Variants in RPH3A observed in about 807,000 individuals in gnomAD.
RPH3A encodes the protein rabphilin 3A, also known as rabphilin-3A.
RPH3A carries 48 observed loss-of-function variants against 102.2 expected under a neutral mutation model. The ratio of observed to expected loss-of-function variants is 0.47; its 90% CI spans 0.37 to 0.60. The LOEUF (loss-of-function observed/expected upper bound fraction) is 0.60, where lower values mean the gene tolerates loss of function less well. Among genes scored for constraint, RPH3A ranks in the 20% least tolerant of loss-of-function variants. The probability of loss-of-function intolerance (pLI) is 0.00; values close to 1 mark genes in which losing one functional copy is unlikely to be tolerated. For synonymous variants in RPH3A, 310 were observed against 324.3 expected (o/e 0.96, Z 0.47); for missense variants, 781 against 910.1 (o/e 0.86, Z 1.83).
At chr12:112,843,787 G>A (rs1485924413) in intron 4 of RPH3A, among the ~76,000 whole-genome samples, 1 of 152,164 alleles carries the variant, frequency 6.6e-6, no homozygotes, top group South Asian at 2.1e-4. Context: ...GAGACGTGGC[G>A]GCAAATAAGG....
chr12:112,712,901 T>TTCTTCC (rs1357233082), intron 1 of RPH3A, among the ~76,000 whole-genome samples: 5 of 130,202 alleles, frequency 3.8e-5, no homozygotes, highest in African/African-American at 1.6e-4. Flanking sequence ...CTTCTTCTTC[T>TTCTTCC]TCCTCTTCTT....
At chr12:112,624,343 A>G (rs1212203873) in intron 1 of RPH3A, among the ~76,000 whole-genome samples, 2 of 151,306 alleles carry the variant, frequency 1.3e-5, no homozygotes, top group East Asian at 3.9e-4. Flanking sequence ...AGAAGAATCA[A>G]ATAGACACAA....
At chr12:112,772,325 G>A (rs2040932173) in intron 1 of RPH3A, among the ~76,000 whole-genome samples, 1 of 152,168 alleles carries the variant, frequency 6.6e-6, no homozygotes, top group Non-Finnish European at 1.5e-5. Context: ...TACATTTAGG[G>A]CAGCACTGGT....
chr12:112,893,978 T>A (rs2043140571), intron 19 of RPH3A: 1 of 152,406 alleles, frequency 6.6e-6, no homozygotes, highest in African/African-American at 2.4e-5. Flanking sequence ...TGGCATAAGG[T>A]TAGGTTGGGA....
chr12:112,757,453 AAG>A (rs1367061983), intron 1 of RPH3A, among the ~76,000 whole-genome samples: 1 of 152,178 alleles, frequency 6.6e-6, no homozygotes, highest in African/African-American at 2.4e-5. Flanking sequence ...AAATAACTAA[AAG>A]AGAGAATCTT....
chr12:112,736,063 C>T (rs1247466870), intron 1 of RPH3A, among the ~76,000 whole-genome samples: 1 of 152,200 alleles, frequency 6.6e-6, no homozygotes, highest in Non-Finnish European at 1.5e-5. Flanking sequence ...CCCTACACAT[C>T]CTTAAAAGCC....
chr12:112,731,486 G>A (rs2040634095), intron 1 of RPH3A, among the ~76,000 whole-genome samples: 1 of 152,188 alleles, frequency 6.6e-6, no homozygotes, highest in Non-Finnish European at 1.5e-5. Flanking sequence ...TAGAGGAAAT[G>A]CCTGTCTTCT....
chr12:112,734,022 G>C (rs2891408), intron 1 of RPH3A, among the ~76,000 whole-genome samples: 1,592 of 152,228 alleles, frequency 0.01, 86 homozygotes, highest in Admixed American at 0.093. Context: ...CTTTGAATTA[G>C]ATATCTTATT....
At chr12:112,827,161 A>G (rs1277965027) in intron 2 of RPH3A, among the ~76,000 whole-genome samples, 1 of 152,154 alleles carries the variant, frequency 6.6e-6, no homozygotes, top group Non-Finnish European at 1.5e-5. Flanking sequence ...ATCCATCACC[A>G]TCATCAACTT....
At chr12:112,675,166 T>C (rs1690378319) in intron 1 of RPH3A, among the ~76,000 whole-genome samples, 1 of 152,234 alleles carries the variant, frequency 6.6e-6, no homozygotes, top group Admixed American at 6.5e-5. Context: ...GCTTCCCTGC[T>C]AAAGGAAAGA....
chr12:112,611,579 C>T (rs958525302), intron 1 of RPH3A, among the ~76,000 whole-genome samples: 1 of 152,092 alleles, frequency 6.6e-6, no homozygotes, highest in Non-Finnish European at 1.5e-5. Flanking sequence ...GCTGAGATTA[C>T]AGGTGCGCAC....
chr12:112,832,482 T>G (rs777649695), intron 3 of RPH3A, among the ~76,000 whole-genome samples: 21 of 152,168 alleles, frequency 1.4e-4, no homozygotes, highest in Admixed American at 4.6e-4. Context: ...TAAAATCTCA[T>G]TAGAATGGAT....
chr12:112,699,362 A>G (rs150772263), intron 1 of RPH3A, among the ~76,000 whole-genome samples: 69 of 152,366 alleles, frequency 4.5e-4, no homozygotes, highest in African/African-American at 1.5e-3. Flanking sequence ...ATAATTCCTT[A>G]AATCTGGAGA....
chr12:112,598,188 T>C (rs2039531977), intron 1 of RPH3A, among the ~76,000 whole-genome samples: 1 of 152,230 alleles, frequency 6.6e-6, no homozygotes, highest in Non-Finnish European at 1.5e-5. Context: ...TGCAAAGTTG[T>C]GTGCATGAGG....
chr12:112,847,647 G>C lies in RPH3A; in HGVS notation c.84-49G>C, dbSNP rs777809934. On this transcript the variant is annotated intron_variant, in intron 4 of 21. Coordinates refer to ENST00000389385, the MANE Select transcript of RPH3A (RefSeq NM_001143854.2). ...ACAGTGAGTTTCCCGGCAGGAATTT[G>C]AACTACTATTTTCTGCCCACCCTCA... 6 of 1,588,796 alleles carry C rather than the reference G, an allele frequency of 3.8e-6. No individual in the cohort carries two copies. The Admixed American group carries it at 1.0e-4, about 28-fold the overall frequency.
chr12:112,736,841 T>C (rs1050506291), intron 1 of RPH3A, among the ~76,000 whole-genome samples: 2 of 152,036 alleles, frequency 1.3e-5, no homozygotes, highest in South Asian at 2.1e-4. Flanking sequence ...TCAACATATG[T>C]AAATTTAGGC....
chr12:112,785,531 T>G (rs1314941918), intron 1 of RPH3A, among the ~76,000 whole-genome samples: 1 of 152,194 alleles, frequency 6.6e-6, no homozygotes, highest in Admixed American at 6.5e-5. Context: ...ATACCTCTCT[T>G]CCATGATAAA....
intron 2 of RPH3A, among the ~76,000 whole-genome samples, chr12:112,800,187 G>C (rs1221475568): frequency 1.3e-5 from 2 of 152,206 alleles, no homozygotes; most frequent in Non-Finnish European, 2.9e-5. Flanking sequence ...GTGATGGGTT[G>C]GGGGAGGGAG....
intron 1 of RPH3A, among the ~76,000 whole-genome samples, chr12:112,774,005 A>G (rs1171149787): frequency 1.4e-5 from 2 of 144,668 alleles, no homozygotes; most frequent in Non-Finnish European, 3.0e-5. Flanking sequence ...CAATCGCTTG[A>G]GCCCGGGAGG....
Sources: allele counts gnomAD v4.1 joint callset (sites outside exome capture counted in the v4.1 genomes callset), GRCh38; gene constraint gnomAD v4.1.1; transcripts MANE v1.5; gene names NCBI Gene and HGNC (gene_info 2026-07-23, HGNC 2026-07-21).